The following SLCO5A1 variants were observed in gnomAD, a reference collection of about 807,000 sequenced individuals.
The protein encoded by SLCO5A1 is solute carrier organic anion transporter family member 5A1, also known as organic anion transporter polypeptide-related protein 4.
Under a neutral mutation model 65.1 loss-of-function variants are expected in SLCO5A1, and 39 were observed. The observed-to-expected ratio is 0.60, with a 90% CI of 0.46 to 0.78. SLCO5A1 has a LOEUF of 0.78. SLCO5A1 is among the 30% of genes least tolerant of loss of function. The pLI is 0.00. For missense variants in SLCO5A1, 1,029 were observed against 1,069.4 expected, an observed-to-expected ratio of 0.96 and a Z score of 0.53; for synonymous variants, 438 against 415.7, an observed-to-expected ratio of 1.05 and a Z score of -0.65.
chr8:69,833,064 G>C lies in SLCO5A1; in HGVS notation c.-391C>G. 1.3e-5 allele frequency: 3 copies of C among 234,794 alleles called. 1 individual carries two copies. Among genetic ancestry groups the C allele is most frequent in the Non-Finnish European group, 2.4e-5 (3 of 126,560 alleles). The allele number at this position is 234,794 out of a possible 1,614,324, so 14.5% of individuals were successfully genotyped here. ...GAGTGCACCCTGCGCCGGGGGTGGG[G>C]GGGCACTTAGCGCTGCTGTCCGTAC... On this transcript the variant is annotated 5_prime_UTR_variant, in exon 2 of 10. Transcript: ENST00000260126.
intron 3 of SLCO5A1, among the ~76,000 whole-genome samples, chr8:69,756,822 G>A (rs1817559991): frequency 6.6e-6 from 1 of 152,190 alleles, no homozygotes; most frequent in Non-Finnish European, 1.5e-5. Context: ...TGCCCCGTGG[G>A]GCAATTTCTC....
chr8:69,759,536 A>C (rs1352945046), intron 3 of SLCO5A1, among the ~76,000 whole-genome samples: 1 of 152,212 alleles, frequency 6.6e-6, no homozygotes, highest in African/African-American at 2.4e-5. Flanking sequence ...ATAAAAACTG[A>C]GGCACAGAGT....
intron 9 of SLCO5A1, among the ~76,000 whole-genome samples, chr8:69,675,191 T>C (rs184008103): frequency 0.024 from 3,615 of 150,586 alleles, 131 homozygotes; most frequent in African/African-American, 0.085. Flanking sequence ...TTTTTTTTTT[T>C]CAGACAGAGT....
intron 4 of SLCO5A1, among the ~76,000 whole-genome samples, chr8:69,743,822 A>G (rs564569383): frequency 1.3e-5 from 2 of 152,302 alleles, no homozygotes; most frequent in South Asian, 2.1e-4. Context: ...AAGGCACCCT[A>G]TGTGAGCAAA....
intron 2 of SLCO5A1, among the ~76,000 whole-genome samples, chr8:69,773,793 A>G (rs112455054): frequency 0.023 from 3,517 of 152,236 alleles, 110 homozygotes; most frequent in African/African-American, 0.081. Context: ...AACCCAGGCC[A>G]CTCAGATACC....
At chr8:69,818,774 G>A (rs780764645) in intron 2 of SLCO5A1, among the ~76,000 whole-genome samples, 7 of 152,134 alleles carry the variant, frequency 4.6e-5, no homozygotes, top group Non-Finnish European at 8.8e-5. Context: ...AATCATTACT[G>A]TTGTACAGAA....
chr8:69,752,646 A>C (rs1038329664), intron 4 of SLCO5A1, among the ~76,000 whole-genome samples: 2 of 152,050 alleles, frequency 1.3e-5, no homozygotes, highest in Non-Finnish European at 2.9e-5. Context: ...TAGCAAAAAC[A>C]TTTTCAGTGT....
Position 69,715,416 on chromosome 8 carries a change from G to A in SLCO5A1, c.1424-10187C>T, listed in dbSNP as rs554530719. Among the ~76,000 whole-genome samples the A allele has an allele frequency of 1.1e-3, 173 of 152,298 alleles. 1 individual carries two copies. Among genetic ancestry groups the A allele is most frequent in the African/African-American group, 4.0e-3 (168 of 41,548 alleles). Reference sequence around the variant, plus strand: ...GCCAAGTACAAAACCCTCTTTGGAGGTCCTCTGGGCAAGATCCATTTTCTG... The same window carrying A: ...GCCAAGTACAAAACCCTCTTTGGAGATCCTCTGGGCAAGATCCATTTTCTG... On this transcript the variant is annotated intron_variant, in intron 5 of 9. Transcript: ENST00000260126.
chr8:69,679,257 C>T, intron 8 of SLCO5A1, 121 bp downstream of exon 8: 9 of 1,386,710 alleles, frequency 6.5e-6, no homozygotes, highest in African/African-American at 1.4e-5. Flanking sequence ...TCTGAGCGCC[C>T]TCCTGCACAT....
Position 69,832,454 on chromosome 8 carries a change from G to T in SLCO5A1, c.220C>A (p.Gln74Lys), listed in dbSNP as rs1479164071. ...VDSSGHQELK[Q>K]GPNPLAPSPS... is the part of the protein sequence containing the mutation. ...CTGGGGGCCAACGGGTTCGGGCCTTGCTTCAACTCCTGGTGGCCCGAAGAA... is the reference window on the plus strand; with the variant it reads ...CTGGGGGCCAACGGGTTCGGGCCTTTCTTCAACTCCTGGTGGCCCGAAGAA... The change falls in exon 2 of 10, where the codon CAA becomes AAA. Residue 74 changes from glutamine (Q) to lysine (K), a missense_variant. Around this residue, in one of 3 missense-constraint regions of SLCO5A1, gnomAD observed 647 missense variants for 647.5 expected, o/e 1.00. Transcript: ENST00000260126. The surrounding 1 kb of genome is among the most constrained non-coding windows in gnomAD (Gnocchi z 4.5). 2 of 1,613,002 alleles carry T rather than the reference G, an allele frequency of 1.2e-6. No individual in the cohort carries two copies. The highest frequency in any genetic ancestry group is 3.3e-5 in the Admixed American group (2 of 59,806).
At chr8:69,721,975 C>A (rs1232459446) in intron 5 of SLCO5A1, among the ~76,000 whole-genome samples, 1 of 152,076 alleles carries the variant, frequency 6.6e-6, no homozygotes, top group Non-Finnish European at 1.5e-5. Flanking sequence ...AGTTGAAGAC[C>A]AGCCTAGCCA....
chr8:69,784,813 AAG>A (rs1818944936), intron 2 of SLCO5A1, among the ~76,000 whole-genome samples: 1 of 78,018 alleles, frequency 1.3e-5, no homozygotes, highest in African/African-American at 3.6e-5. Context: ...AAGAAAGAAA[AAG>A]AAAGAAAGAA....
At chr8:69,731,197 G>A (rs1489658086) in intron 5 of SLCO5A1, among the ~76,000 whole-genome samples, 2 of 152,050 alleles carry the variant, frequency 1.3e-5, no homozygotes, top group Admixed American at 6.6e-5. Context: ...ACGGGGTTTC[G>A]CCATGCTGGC....
At chr8:69,746,118 C>T (rs1041803325) in intron 4 of SLCO5A1, among the ~76,000 whole-genome samples, 1 of 152,128 alleles carries the variant, frequency 6.6e-6, no homozygotes, top group African/African-American at 2.4e-5. Flanking sequence ...AATATTGTGT[C>T]TACTTTCTTT....
chr8:69,822,279 G>T (rs925296793), intron 2 of SLCO5A1, among the ~76,000 whole-genome samples: 1 of 152,144 alleles, frequency 6.6e-6, no homozygotes, highest in African/African-American at 2.4e-5. Context: ...CACACCACAA[G>T]CCCCTCAAAC....
chr8:69,774,519 C>T (rs1419796421), intron 2 of SLCO5A1, among the ~76,000 whole-genome samples: 1 of 152,176 alleles, frequency 6.6e-6, no homozygotes, highest in Non-Finnish European at 1.5e-5. Context: ...CACCCCACCC[C>T]CAGCTCACTG....
At chr8:69,778,121 G>A (rs1181908311) in intron 2 of SLCO5A1, among the ~76,000 whole-genome samples, 1 of 152,078 alleles carries the variant, frequency 6.6e-6, no homozygotes, top group Non-Finnish European at 1.5e-5. Context: ...TGAAAAGACA[G>A]TATATATAGG....
At chr8:69,676,918 T>C (rs1355803296) in intron 8 of SLCO5A1, among the ~76,000 whole-genome samples, 3 of 152,206 alleles carry the variant, frequency 2.0e-5, no homozygotes, top group East Asian at 1.9e-4. Context: ...AAAATACTGG[T>C]AGAGGGTTAA....
At chr8:69,742,864 G>A (rs949734993) in intron 4 of SLCO5A1, among the ~76,000 whole-genome samples, 3 of 146,716 alleles carry the variant, frequency 2.0e-5, no homozygotes, top group African/African-American at 7.6e-5. Flanking sequence ...GCAGTGGCGT[G>A]ATCTCAGCTG....
Sources: allele counts gnomAD v4.1 joint callset (sites outside exome capture counted in the v4.1 genomes callset), GRCh38; gene constraint gnomAD v4.1.1; regional missense constraint gnomAD v4.1.1; non-coding constraint Gnocchi (gnomAD v3.1); transcripts MANE v1.5; gene names NCBI Gene and HGNC (gene_info 2026-07-23, HGNC 2026-07-21).